ROBO2: variants seen among roughly 807,000 people sequenced by gnomAD.
ROBO2 encodes roundabout homolog 2.
In ROBO2, 53 loss-of-function variants were observed where a neutral mutation model predicts 160.8. The observed-to-expected ratio is 0.33, with a 90% CI of 0.26 to 0.41. ROBO2 has a LOEUF of 0.41. ROBO2 is among the 10% of genes least tolerant of loss of function. ROBO2 has a pLI of 1.00. For synonymous variants in ROBO2, 664 were observed against 611.7 expected (o/e 1.09, Z -1.26); for missense variants, 1,577 against 1,722.4 (o/e 0.92, Z 1.49).
exon 26 of ROBO2, chr3:77,647,930 G>C (rs578199023): frequency 2.0e-5 from 3 of 152,246 alleles, no homozygotes; most frequent in South Asian, 4.1e-4. Context: ...TATTCCCTGA[G>C]ACTGCATCAG....
At position 76,204,280 on chromosome 3, in the gene ROBO2, C is replaced by G. The variant is rs570189527; in HGVS notation, c.109+266678C>G. On this transcript the variant is annotated intron_variant, in intron 2 of 26. Transcript: ENST00000487694. ...TAGAATTGAGGAGAAAATAATAAAG[C>G]TTTTCTTTTGAGAAATGGAAGCTGT... Among the ~76,000 whole-genome samples the G allele has an allele frequency of 3.6e-3, 545 of 152,136 alleles. 3 individuals are homozygous for G. Among genetic ancestry groups the G allele is most frequent in the Non-Finnish European group, 5.8e-3 (396 of 67,996 alleles).
intron 2 of ROBO2, among the ~76,000 whole-genome samples, chr3:76,270,044 T>C (rs903018921): frequency 1.3e-5 from 2 of 152,070 alleles, no homozygotes; most frequent in African/African-American, 2.4e-5. Context: ...TCTCTTTTTT[T>C]AGATGTGGTT....
chr3:77,388,260 T>C (rs1041539980), intron 2 of ROBO2, among the ~76,000 whole-genome samples: 2 of 152,068 alleles, frequency 1.3e-5, no homozygotes, highest in African/African-American at 4.8e-5. Flanking sequence ...AATGAAAAGA[T>C]TTTTGGCACC....
chr3:76,180,859 T>A (rs1338644159), intron 2 of ROBO2, among the ~76,000 whole-genome samples: 1 of 152,088 alleles, frequency 6.6e-6, no homozygotes, highest in Non-Finnish European at 1.5e-5. Flanking sequence ...GGCCCTGAAT[T>A]TTCTGATTAT....
At chr3:77,170,643 A>T (rs2079547001) in intron 2 of ROBO2, among the ~76,000 whole-genome samples, 1 of 152,070 alleles carries the variant, frequency 6.6e-6, no homozygotes, top group South Asian at 2.1e-4. Context: ...TGCCCTAATT[A>T]TGGTTTCTAT....
At chr3:76,545,722 A>G (rs1488084331) in intron 2 of ROBO2, among the ~76,000 whole-genome samples, 1 of 151,860 alleles carries the variant, frequency 6.6e-6, no homozygotes, top group Non-Finnish European at 1.5e-5. Context: ...TTTCTTGAGT[A>G]TATTTTGTAT....
intron 2 of ROBO2, among the ~76,000 whole-genome samples, chr3:77,378,741 C>A (rs2073023601): frequency 1.3e-5 from 2 of 152,022 alleles, no homozygotes; most frequent in Admixed American, 1.3e-4. Flanking sequence ...GTCTCTGAAC[C>A]GGTGTTAGAT....
At chr3:76,885,452 C>T (rs924040340) in intron 2 of ROBO2, among the ~76,000 whole-genome samples, 1 of 152,010 alleles carries the variant, frequency 6.6e-6, no homozygotes, top group African/African-American at 2.4e-5. Context: ...AAATATCAAG[C>T]CGTACAAAAA....
At chr3:77,519,761 G>T (rs1371616553) in intron 5 of ROBO2, among the ~76,000 whole-genome samples, 1 of 151,162 alleles carries the variant, frequency 6.6e-6, no homozygotes, top group Non-Finnish European at 1.5e-5. Flanking sequence ...GGGGTTTTTT[G>T]GTAAAACGAT....
At chr3:76,415,830 T>A (rs1015185956) in intron 2 of ROBO2, among the ~76,000 whole-genome samples, 34 of 152,216 alleles carry the variant, frequency 2.2e-4, no homozygotes, top group African/African-American at 8.2e-4. Flanking sequence ...TACACAATTT[T>A]AATAAGAACA....
intron 2 of ROBO2, among the ~76,000 whole-genome samples, chr3:76,729,853 G>A (rs190266180): frequency 4.5e-4 from 68 of 152,090 alleles, no homozygotes; most frequent in Non-Finnish European, 6.9e-4. Flanking sequence ...GGCCAGGCTG[G>A]TCTCGAACTC....
intron 2 of ROBO2, among the ~76,000 whole-genome samples, chr3:77,019,931 C>T (rs1035302774): frequency 1.3e-5 from 2 of 152,148 alleles, no homozygotes; most frequent in Non-Finnish European, 2.9e-5. Context: ...TCCTGGTCGA[C>T]TTGGTTATGG....
chr3:76,390,824 T>G (rs1293117324), intron 2 of ROBO2, among the ~76,000 whole-genome samples: 1 of 152,166 alleles, frequency 6.6e-6, no homozygotes, highest in Non-Finnish European at 1.5e-5. Context: ...TGTGGATTAG[T>G]CATATCCCAT....
At chr3:76,670,589 TG>T (rs1371177686) in intron 2 of ROBO2, among the ~76,000 whole-genome samples, 1 of 152,110 alleles carries the variant, frequency 6.6e-6, no homozygotes, top group Non-Finnish European at 1.5e-5. Flanking sequence ...TCATTCATAC[TG>T]ATCTATTACA....
intron 2 of ROBO2, among the ~76,000 whole-genome samples, chr3:76,262,303 T>G (rs1367883700): frequency 6.6e-6 from 1 of 152,126 alleles, no homozygotes; most frequent in Admixed American, 6.6e-5. Context: ...TTGCTTTTTT[T>G]TTTCCCCATC....
chr3:76,854,117 C>A (rs2069776884), intron 2 of ROBO2, among the ~76,000 whole-genome samples: 1 of 141,644 alleles, frequency 7.1e-6, no homozygotes. Flanking sequence ...GCATGTTATA[C>A]CTAAAATTTT....
intron 1 of ROBO2, among the ~76,000 whole-genome samples, chr3:77,053,631 GA>G (rs573395508): frequency 6.6e-5 from 10 of 152,120 alleles, no homozygotes; most frequent in South Asian, 2.1e-4. Flanking sequence ...AAATGATAAA[GA>G]AATTGTAAAT....
chr3:76,931,326 C>G (rs548281171), intron 2 of ROBO2, among the ~76,000 whole-genome samples: 1 of 152,056 alleles, frequency 6.6e-6, no homozygotes, highest in Non-Finnish European at 1.5e-5. Context: ...GAAATATATG[C>G]CACATTGTTA....
At chr3:76,003,222 C>G (rs1014288266) in intron 2 of ROBO2, among the ~76,000 whole-genome samples, 7 of 152,206 alleles carry the variant, frequency 4.6e-5, no homozygotes, top group African/African-American at 1.4e-4. Context: ...TGGCAGCTCC[C>G]CATACTCTGC....
Sources: gnomAD v4.1 joint callset for allele counts (sites outside exome capture counted in the v4.1 genomes callset) on GRCh38, gnomAD v4.1.1 for gene constraint, MANE v1.5 for transcripts, NCBI Gene and HGNC (gene_info 2026-07-23, HGNC 2026-07-21) for gene names.